CSMD1: variants seen among roughly 807,000 people sequenced by gnomAD.
CSMD1 encodes the protein CUB and Sushi multiple domains 1, also known as CUB and sushi domain-containing protein 1.
CSMD1 carries 213 observed loss-of-function variants against 417.5 expected under a neutral mutation model. That is an observed-to-expected ratio of 0.51 (90% CI 0.46 to 0.57). CSMD1 has a LOEUF of 0.57. CSMD1 is among the 20% of genes least tolerant of loss of function. The probability of loss-of-function intolerance (pLI) is 0.00; values close to 1 mark genes in which losing one functional copy is unlikely to be tolerated. For missense variants in CSMD1, 6,923 were observed against 4,529.7 expected (o/e 1.53, Z -15.17); for synonymous variants, 2,862 against 1,736.8 (o/e 1.65, Z -16.11).
chr8:4,608,212 G>A (rs183909954), intron 2 of CSMD1, among the ~76,000 whole-genome samples: 1 of 152,294 alleles, frequency 6.6e-6, no homozygotes, highest in African/African-American at 2.4e-5. Flanking sequence ...CAAAGGGGTG[G>A]AAATCCATGG....
intron 23 of CSMD1, among the ~76,000 whole-genome samples, chr8:3,310,234 T>C (rs1489309196): frequency 1.3e-5 from 2 of 152,044 alleles, no homozygotes; most frequent in Admixed American, 1.3e-4. Flanking sequence ...TTCAATATCA[T>C]GTATGACAAA....
At chr8:3,345,815 C>G (rs117071574) in intron 22 of CSMD1, among the ~76,000 whole-genome samples, 2,123 of 152,240 alleles carry the variant, frequency 0.014, 23 homozygotes, top group Non-Finnish European at 0.021. Context: ...ATTGAAAGTT[C>G]TGGGGAAATC....
At chr8:3,869,461 G>T (rs763314460) in intron 5 of CSMD1, among the ~76,000 whole-genome samples, 1 of 152,128 alleles carries the variant, frequency 6.6e-6, no homozygotes, top group Non-Finnish European at 1.5e-5. Flanking sequence ...TCTCACCTTA[G>T]TTTTAACTTG....
Position 4,137,496 on chromosome 8 carries a change from T to C in CSMD1, c.416-105397A>G, listed in dbSNP as rs1803509685. On this transcript the variant is annotated intron_variant, in intron 3 of 69. Transcript: ENST00000635120. ...ATTTTCACTACAGAATATAACATTG[T>C]TTTTCCTTTTAAAAATATTATGGTA... Among the ~76,000 whole-genome samples the C allele has an allele frequency of 1.5e-5, 2 of 132,086 alleles. 1 individual carries two copies. Among genetic ancestry groups the C allele is most frequent in the Non-Finnish European group, 3.5e-5 (2 of 56,750 alleles). The allele number at this position is 132,086 out of a possible 152,430, so 86.7% of individuals were successfully genotyped here.
chr8:4,420,903 G>A (rs1261070711), intron 2 of CSMD1, among the ~76,000 whole-genome samples: 1 of 152,138 alleles, frequency 6.6e-6, no homozygotes. Flanking sequence ...CCTCCTAGGA[G>A]CCCTCCTCCC....
chr8:3,222,569 G>A (rs1032695137), intron 28 of CSMD1, among the ~76,000 whole-genome samples: 28 of 152,122 alleles, frequency 1.8e-4, no homozygotes, highest in African/African-American at 6.8e-4. Flanking sequence ...TTGGCCTCCT[G>A]AAATGCTGGG....
intron 12 of CSMD1, among the ~76,000 whole-genome samples, chr8:3,440,110 C>G (rs1814875765): frequency 2.0e-5 from 3 of 152,102 alleles, no homozygotes; most frequent in African/African-American, 7.2e-5. Flanking sequence ...CAATTTTGTT[C>G]TTCAAAATTA....
At chr8:3,067,613 AATAT>A (rs1157316930) in intron 49 of CSMD1, among the ~76,000 whole-genome samples, 1 of 149,404 alleles carries the variant, frequency 6.7e-6, no homozygotes, top group Non-Finnish European at 1.5e-5. Flanking sequence ...TATAGTATAT[AATAT>A]ATAAATATAT....
Position 4,029,697 on chromosome 8 carries a change from C to G in CSMD1, c.610+2208G>C, listed in dbSNP as rs1195316821. Among the ~76,000 whole-genome samples the G allele has an allele frequency of 2.0e-5, 3 of 152,144 alleles. No homozygotes were observed. In the East Asian group the frequency reaches 5.8e-4, roughly 29 times the overall value. The stretch of plus-strand genomic sequence containing the variant: ...CATGTCCTCACATTTCAAAACCAAC[C>G]ATGCCTTCCCAACAGTCCCCCAAAG... On this transcript the variant is annotated intron_variant, in intron 4 of 69. Transcript: ENST00000635120.
At chr8:3,241,839 A>G (rs891396270) in intron 26 of CSMD1, among the ~76,000 whole-genome samples, 3 of 151,990 alleles carry the variant, frequency 2.0e-5, no homozygotes, top group East Asian at 1.9e-4. Flanking sequence ...CCTCTATTCT[A>G]TTATTGTACA....
At position 3,032,854 on chromosome 8, in the gene CSMD1, A is replaced by T. The variant is rs921810204; in HGVS notation, c.7661-3341T>A. ...CCTTAAAAGAATATTTTTAAAAAAC[A>T]CTGATCTCTTTATATACCCTTCATT... On this transcript the variant is annotated intron_variant, in intron 50 of 69. Coordinates refer to ENST00000635120, the MANE Select transcript of CSMD1 (RefSeq NM_033225.6). Among the ~76,000 whole-genome samples the T allele has an allele frequency of 2.6e-5, 4 of 152,110 alleles. No homozygotes were observed. In the East Asian group the frequency reaches 7.7e-4, roughly 29 times the overall value.
intron 1 of CSMD1, among the ~76,000 whole-genome samples, chr8:4,723,285 T>G (rs1013838238): frequency 6.6e-6 from 1 of 152,166 alleles, no homozygotes; most frequent in Admixed American, 6.6e-5. Context: ...ACTGGCTAAC[T>G]GGGAATCATC....
chr8:3,894,570 C>T (rs1319679168), intron 5 of CSMD1, among the ~76,000 whole-genome samples: 1 of 152,110 alleles, frequency 6.6e-6, no homozygotes, highest in Non-Finnish European at 1.5e-5. Context: ...TAGATTTCTA[C>T]ATCCTATTGA....
chr8:4,592,782 ATT>A (rs1486276899), intron 2 of CSMD1, among the ~76,000 whole-genome samples: 2 of 152,180 alleles, frequency 1.3e-5, no homozygotes, highest in Non-Finnish European at 2.9e-5. Context: ...TAGTTAAAAT[ATT>A]GTTTTCTAAA....
At chr8:3,783,877 C>G (rs1799309723) in intron 5 of CSMD1, among the ~76,000 whole-genome samples, 1 of 151,008 alleles carries the variant, frequency 6.6e-6, no homozygotes, top group Admixed American at 6.6e-5. Flanking sequence ...AGCACATGAA[C>G]TAGACTCGGC....
At chr8:3,747,960 G>C (rs34711006) in intron 6 of CSMD1, among the ~76,000 whole-genome samples, 3 of 151,976 alleles carry the variant, frequency 2.0e-5, no homozygotes, top group Non-Finnish European at 4.4e-5. Flanking sequence ...TCTTCCGTTT[G>C]TCTAGAAGTC....
At chr8:4,617,100 T>C (rs1012426978) in intron 2 of CSMD1, among the ~76,000 whole-genome samples, 1 of 152,140 alleles carries the variant, frequency 6.6e-6, no homozygotes, top group East Asian at 1.9e-4. Context: ...TTTTTCAAAA[T>C]GTTTTTGAAA....
intron 1 of CSMD1, among the ~76,000 whole-genome samples, chr8:4,730,523 G>A (rs1160467567): frequency 3.3e-5 from 5 of 152,006 alleles, no homozygotes; most frequent in Admixed American, 1.3e-4. Flanking sequence ...GGCGGATCAC[G>A]AGGTCAGGAG....
chr8:3,615,508 G>T (rs778565510), intron 8 of CSMD1, among the ~76,000 whole-genome samples: 2 of 152,130 alleles, frequency 1.3e-5, no homozygotes, highest in Non-Finnish European at 2.9e-5. Context: ...ATGTGTAATA[G>T]TTAACCTATA....
Sources: allele counts gnomAD v4.1 joint callset (sites outside exome capture counted in the v4.1 genomes callset), GRCh38; gene constraint gnomAD v4.1.1; transcripts MANE v1.5; gene names NCBI Gene and HGNC (gene_info 2026-07-23, HGNC 2026-07-21).